The following ERBB4 variants were observed in gnomAD, a reference collection of about 807,000 sequenced individuals.
ERBB4 encodes erb-b2 receptor tyrosine kinase 4.
ERBB4 carries 42 observed loss-of-function variants against 158.0 expected under a neutral mutation model. That is an observed-to-expected ratio of 0.27 (90% confidence interval 0.21 to 0.34). The LOEUF (loss-of-function observed/expected upper bound fraction) is 0.34, where lower values mean the gene tolerates loss of function less well. Among genes scored for constraint, ERBB4 ranks in the 10% least tolerant of loss-of-function variants. The pLI, the probability that ERBB4 is intolerant of heterozygous loss-of-function variation, is 1.00. For synonymous variants in ERBB4, 583 were observed against 558.7 expected, an observed-to-expected ratio of 1.04 and a Z score of -0.61; for missense variants, 1,333 against 1,624.1, an observed-to-expected ratio of 0.82 and a Z score of 3.08.
intron 1 of ERBB4, among the ~76,000 whole-genome samples, chr2:212,383,120 T>C (rs1280076940): frequency 6.6e-6 from 1 of 151,408 alleles, no homozygotes. Flanking sequence ...CAAGTGTGTT[T>C]ACCTTTTTCT....
chr2:211,957,384 G>T (rs1030297337), intron 2 of ERBB4, among the ~76,000 whole-genome samples: 2 of 152,012 alleles, frequency 1.3e-5, no homozygotes, highest in African/African-American at 2.4e-5. Context: ...AGAAACCAAC[G>T]CTACAGAGCC....
At chr2:212,322,395 G>A (rs1427135336) in intron 1 of ERBB4, among the ~76,000 whole-genome samples, 4 of 149,480 alleles carry the variant, frequency 2.7e-5, no homozygotes, top group Admixed American at 2.7e-4. Context: ...TCAAAAAATT[G>A]CCTTTCTCTT....
chr2:211,911,337 G>C (rs2079536661), intron 3 of ERBB4, among the ~76,000 whole-genome samples: 1 of 152,036 alleles, frequency 6.6e-6, no homozygotes, highest in Admixed American at 6.6e-5. Flanking sequence ...CTTGATCATA[G>C]ATCACTGCAT....
At chr2:211,407,519 G>A (rs949220398) in intron 25 of ERBB4, among the ~76,000 whole-genome samples, 1 of 152,130 alleles carries the variant, frequency 6.6e-6, no homozygotes, top group Non-Finnish European at 1.5e-5. Flanking sequence ...ATTGGTTGTA[G>A]ATTAAACTTC....
At chr2:211,631,201 T>A (rs904278078) in intron 16 of ERBB4, among the ~76,000 whole-genome samples, 1 of 152,050 alleles carries the variant, frequency 6.6e-6, no homozygotes, top group African/African-American at 2.4e-5. Context: ...TCTGTCAACA[T>A]CACCCCCAGT....
intron 1 of ERBB4, among the ~76,000 whole-genome samples, chr2:212,160,502 G>A (rs2081171193): frequency 6.6e-6 from 1 of 151,846 alleles, no homozygotes; most frequent in Non-Finnish European, 1.5e-5. Context: ...TCTTATAAAT[G>A]TATATCAGTG....
At chr2:211,789,826 A>G (rs529167442) in intron 3 of ERBB4, among the ~76,000 whole-genome samples, 1 of 152,030 alleles carries the variant, frequency 6.6e-6, no homozygotes, top group East Asian at 1.9e-4. Flanking sequence ...ACACCACAAG[A>G]GGGTTATTTG....
intron 20 of ERBB4, among the ~76,000 whole-genome samples, chr2:211,499,317 G>A (rs2065556470): frequency 6.6e-6 from 1 of 152,026 alleles, no homozygotes; most frequent in South Asian, 2.1e-4. Context: ...GAGGTCAGGA[G>A]ATCGAGACCA....
chr2:212,479,875 A>G (rs1326966608), intron 1 of ERBB4, among the ~76,000 whole-genome samples: 2 of 152,200 alleles, frequency 1.3e-5, no homozygotes, highest in African/African-American at 4.8e-5. Flanking sequence ...AGAGGACTTC[A>G]TGATGATTGC....
At chr2:211,553,678 G>T (rs1350094500) in intron 20 of ERBB4, among the ~76,000 whole-genome samples, 1 of 152,048 alleles carries the variant, frequency 6.6e-6, no homozygotes, top group Non-Finnish European at 1.5e-5. Flanking sequence ...TACAAAATAG[G>T]TAGCACTGTT....
intron 3 of ERBB4, among the ~76,000 whole-genome samples, chr2:211,813,018 G>T (rs937995207): frequency 6.6e-6 from 1 of 152,138 alleles, no homozygotes; most frequent in African/African-American, 2.4e-5. Context: ...GTGATGTCCC[G>T]CCCTGTTCCA....
chr2:211,673,153 T>C lies in ERBB4; in HGVS notation c.1716+11A>G, dbSNP rs1391118219. Reference sequence around the variant, plus strand: ...AATAAGCCAACACACCACAGATGTCTTCAGGCTTACCGGTCCATGGCATGT... The same window carrying C: ...AATAAGCCAACACACCACAGATGTCCTCAGGCTTACCGGTCCATGGCATGT... On this transcript the variant is annotated intron_variant, in intron 14 of 27. Coordinates refer to ENST00000342788, the MANE Select transcript of ERBB4 (RefSeq NM_005235.3). 6.3e-7 allele frequency: 1 copy of C among 1,595,052 alleles called. No individual in the cohort carries two copies. Among genetic ancestry groups the C allele is most frequent in the African/African-American group, 1.3e-5 (1 of 74,642 alleles).
intron 1 of ERBB4, among the ~76,000 whole-genome samples, chr2:212,375,659 A>C (rs2106398307): frequency 6.6e-6 from 1 of 152,210 alleles, no homozygotes; most frequent in East Asian, 1.9e-4. Context: ...ATATTATGAA[A>C]AAGCTATGGA....
intron 19 of ERBB4, among the ~76,000 whole-genome samples, chr2:211,612,422 T>C (rs576565383): frequency 1.6e-4 from 25 of 151,854 alleles, no homozygotes; most frequent in African/African-American, 5.5e-4. Context: ...TATTAATATA[T>C]AATAACTTAT....
At chr2:211,538,722 G>A (rs375014751) in intron 20 of ERBB4, among the ~76,000 whole-genome samples, 9 of 151,886 alleles carry the variant, frequency 5.9e-5, no homozygotes, top group Admixed American at 1.3e-4. Flanking sequence ...CCACAGAAAG[G>A]CACTCATAAA....
intron 19 of ERBB4, among the ~76,000 whole-genome samples, chr2:211,610,879 G>A (rs999025812): frequency 6.6e-6 from 1 of 152,112 alleles, no homozygotes. Context: ...CAGACAAAAA[G>A]TTAATTAAGT....
Position 212,485,062 on chromosome 2 carries a change from A to G in ERBB4, c.82+53387T>C, listed in dbSNP as rs75097085. On this transcript the variant is annotated intron_variant, in intron 1 of 27. Coordinates refer to ENST00000342788, the MANE Select transcript of ERBB4 (RefSeq NM_005235.3). ...TTATCCTAGAGGGAACAGGAAAGCT[A>G]TAAGATTACGATTTCATTAACAGTA... Among the ~76,000 whole-genome samples the G allele has an allele frequency of 5.1e-4, 78 of 152,368 alleles. 1 individual carries two copies. The East Asian group carries it at 0.014, about 27-fold the overall frequency.
chr2:212,173,687 G>A (rs1234171950), intron 1 of ERBB4, among the ~76,000 whole-genome samples: 7 of 152,106 alleles, frequency 4.6e-5, no homozygotes, highest in Admixed American at 3.9e-4. Context: ...CTAGCAGAGT[G>A]TTGATCTTAT....
chr2:211,577,443 C>G (rs2067923673), intron 19 of ERBB4, among the ~76,000 whole-genome samples: 1 of 151,898 alleles, frequency 6.6e-6, no homozygotes, highest in South Asian at 2.1e-4. Context: ...GATCTACATT[C>G]TTCCCTAACT....
Sources: allele counts gnomAD v4.1 joint callset (sites outside exome capture counted in the v4.1 genomes callset), GRCh38; gene constraint gnomAD v4.1.1; transcripts MANE v1.5; gene names NCBI Gene and HGNC (gene_info 2026-07-23, HGNC 2026-07-21).